The following CAND1 variants were observed in gnomAD, a reference collection of about 807,000 sequenced individuals.
The protein encoded by CAND1 is cullin associated and neddylation dissociated 1, also known as cullin-associated NEDD8-dissociated protein 1.
In CAND1, 7 loss-of-function variants were observed where a neutral mutation model predicts 108.5. That is an observed-to-expected ratio of 0.06 (90% CI 0.04 to 0.12). The LOEUF (loss-of-function observed/expected upper bound fraction) is 0.12, where lower values mean the gene tolerates loss of function less well. Among genes scored for constraint, CAND1 ranks in the 10% least tolerant of loss-of-function variants. The pLI, the probability that CAND1 is intolerant of heterozygous loss-of-function variation, is 1.00. For synonymous variants in CAND1, 534 were observed against 512.0 expected (o/e 1.04, Z -0.58); for missense variants, 941 against 1,448.7 (o/e 0.65, Z 5.69).
chr12:67,294,348 C>T (rs114261701), intron 3 of CAND1, among the ~76,000 whole-genome samples: 1,674 of 151,910 alleles, frequency 0.011, 25 homozygotes, highest in African/African-American at 0.038. Flanking sequence ...AATGAAGTTA[C>T]GGAATCTTTG....
intron 1 of CAND1, among the ~76,000 whole-genome samples, chr12:67,280,509 A>G (rs1272768468): frequency 3.3e-5 from 5 of 152,214 alleles, no homozygotes; most frequent in Non-Finnish European, 7.3e-5. Context: ...ACGTATTTTT[A>G]CTAAAACTGT....
intron 1 of CAND1, among the ~76,000 whole-genome samples, chr12:67,271,515 T>TA (rs1285664729): frequency 3.9e-5 from 6 of 152,236 alleles, no homozygotes. Flanking sequence ...TATGTGGTGA[T>TA]ACCATACATG....
chr12:67,283,749 A>T (rs2044642189), intron 2 of CAND1, among the ~76,000 whole-genome samples: 1 of 152,172 alleles, frequency 6.6e-6, no homozygotes, highest in South Asian at 2.1e-4. Context: ...TAAGTCTTTA[A>T]AAAAGTAATC....
chr12:67,304,346 T>G (rs920596171), intron 8 of CAND1, among the ~76,000 whole-genome samples: 3 of 152,208 alleles, frequency 2.0e-5, no homozygotes, highest in Non-Finnish European at 4.4e-5. Context: ...GGGAAGACTA[T>G]TTTGTTGCTC....
chr12:67,282,847 A>C (rs1592606803), intron 2 of CAND1, among the ~76,000 whole-genome samples: 1 of 152,186 alleles, frequency 6.6e-6, no homozygotes, highest in Non-Finnish European at 1.5e-5. Context: ...AGAATTATGG[A>C]GATTCTGATT....
intron 2 of CAND1, among the ~76,000 whole-genome samples, chr12:67,284,715 C>CAA (rs1444763705): frequency 6.0e-5 from 9 of 150,998 alleles, no homozygotes; most frequent in Non-Finnish European, 8.9e-5. Context: ...TACACACACA[C>CAA]ACACACACAC....
In CAND1 at chr12:67,312,926, T is replaced by C; in HGVS notation, c.*96T>C. 1.3e-6 allele frequency: 1 copy of C among 761,508 alleles called. No individual in the cohort carries two copies. The highest frequency in any genetic ancestry group is 2.0e-6 in the Non-Finnish European group (1 of 490,492). 47.2% of individuals were successfully genotyped at this position (761,508 alleles called of 1,614,324 possible). On this transcript the variant is annotated 3_prime_UTR_variant, in exon 15 of 15. Transcript: ENST00000545606. ...CATGGAAAGAGAAGTGTCTAAAAGCTTCAAAATGTTCCACTTTTTTTTCCT... is the reference window on the plus strand; with the variant it reads ...CATGGAAAGAGAAGTGTCTAAAAGCCTCAAAATGTTCCACTTTTTTTTCCT...
intron 2 of CAND1, among the ~76,000 whole-genome samples, chr12:67,292,286 A>G (rs866950798): frequency 1.3e-5 from 2 of 152,260 alleles, no homozygotes; most frequent in Middle Eastern, 6.8e-3. Context: ...CAGTGTGAAC[A>G]ACAGTGAGAC....
chr12:67,305,677 C>G lies in CAND1; in HGVS notation c.2009C>G (p.Thr670Ser). The G allele has an allele frequency of 6.2e-7, 1 of 1,614,056 alleles. No homozygotes were observed. The highest frequency in any genetic ancestry group is 8.5e-7 in the Non-Finnish European group (1 of 1,179,962). The change falls in exon 10 of 15, where the codon ACT becomes AGT. Residue 670 changes from threonine to serine, a missense_variant. By Grantham distance (58) the Thr-to-Ser change is moderately conservative. Coordinates refer to ENST00000545606, the MANE Select transcript of CAND1 (RefSeq NM_018448.5). The surrounding 1 kb of genome is among the most constrained non-coding windows in gnomAD (Gnocchi z 4.4). ...AACCAGAGAGCTTTGAAACTGGGTACTCTTTCTGCCCTTGATATTCTAATA... is the reference window on the plus strand; with the variant it reads ...AACCAGAGAGCTTTGAAACTGGGTAGTCTTTCTGCCCTTGATATTCTAATA... The part of the protein sequence containing the change: ...RKNQRALKLG[T>S]LSALDILIKN...
At chr12:67,310,706 C>G (rs1592626725) in intron 13 of CAND1, 1 of 156,112 alleles carries the variant, frequency 6.4e-6, no homozygotes, top group East Asian at 1.9e-4. Context: ...TTAGCATTGT[C>G]TTGATTAAGT....
In CAND1 at chr12:67,313,451, G is replaced by A. The variant is rs530503494; in HGVS notation, c.*621G>A. ...ATGAGTAAGTTTACAAATATGTATC[G>A]TCTGTAAAGCAGCATGTGCAGATTA... On this transcript the variant is annotated 3_prime_UTR_variant, in exon 15 of 15. Transcript: ENST00000545606. The A allele has an allele frequency of 3.3e-5, 5 of 152,614 alleles. No homozygotes were observed. The highest frequency in any genetic ancestry group is 4.2e-4 in the South Asian group (2 of 4,816). The allele number at this position is 152,614 out of a possible 1,614,324, so 9.5% of individuals were successfully genotyped here.
intron 13 of CAND1, 93 bp from the exon 14 acceptor site, chr12:67,311,600 A>G (rs1824190319): frequency 6.8e-6 from 3 of 440,030 alleles, no homozygotes; most frequent in South Asian, 4.0e-5. Context: ...TTTGCATGCT[A>G]GTTATTTTCC....
Position 67,313,485 on chromosome 12 carries a change from A to G in CAND1, c.*655A>G, listed in dbSNP as rs1024048568. 2 of 152,648 alleles carry G rather than the reference A, an allele frequency of 1.3e-5. No homozygotes were observed. The highest frequency in any genetic ancestry group is 4.8e-5 in the African/African-American group (2 of 41,468). The allele number at this position is 152,648 out of a possible 1,614,324, so 9.5% of individuals were successfully genotyped here. On this transcript the variant is annotated 3_prime_UTR_variant, in exon 15 of 15. Coordinates refer to ENST00000545606, the MANE Select transcript of CAND1 (RefSeq NM_018448.5). ...GCAGCATGTGCAGATTATTCATAAT[A>G]TAGAAGTTAAAATAAGTATTAGTGC...
intron 11 of CAND1, among the ~76,000 whole-genome samples, chr12:67,307,878 AATT>A (rs1305651443): frequency 6.6e-6 from 1 of 151,944 alleles, no homozygotes; most frequent in Admixed American, 6.6e-5. Context: ...CTCAAATTTC[AATT>A]ATTACTTCTA....
chr12:67,300,631 T>G (rs990684961), intron 7 of CAND1, among the ~76,000 whole-genome samples: 1 of 152,138 alleles, frequency 6.6e-6, no homozygotes, highest in African/African-American at 2.4e-5. Flanking sequence ...TTGTTTTTAT[T>G]TTGTTTATCA....
chr12:67,300,757 G>A (rs1339297859), intron 7 of CAND1, among the ~76,000 whole-genome samples: 2 of 152,098 alleles, frequency 1.3e-5, no homozygotes, highest in Non-Finnish European at 2.9e-5. Flanking sequence ...CAGTGCCTAG[G>A]ACAGTACTTG....
In CAND1 at chr12:67,318,103, T is replaced by C. The variant is rs1391659257; in HGVS notation, c.*5273T>C. On this transcript the variant is annotated 3_prime_UTR_variant, in exon 15 of 15. Transcript: ENST00000545606. ...GTCTGGCCAACATGGCGAAACCCCG[T>C]CTTTGCTAAAAAAACACAAAGAAAT... 1 of 152,256 alleles carries C rather than the reference T, an allele frequency of 6.6e-6. No individual in the cohort carries two copies. Among genetic ancestry groups the C allele is most frequent in the East Asian group, 1.9e-4 (1 of 5,188 alleles). 9.4% of individuals were successfully genotyped at this position (152,256 alleles called of 1,614,324 possible). A position where few individuals can be genotyped will look rare whatever the true frequency, so the allele number is the denominator to read the frequency against.
At chr12:67,283,280 G>T (rs1489601895) in intron 2 of CAND1, among the ~76,000 whole-genome samples, 1 of 152,098 alleles carries the variant, frequency 6.6e-6, no homozygotes, top group Non-Finnish European at 1.5e-5. Context: ...AAAATAAAAT[G>T]GGTCTTTCAA....
chr12:67,292,869 G>A, intron 3 of CAND1, 93 bp downstream of exon 3: 1 of 1,199,454 alleles, frequency 8.3e-7, no homozygotes, highest in Non-Finnish European at 1.2e-6. Context: ...AGGGAGGGAG[G>A]TGGCTGTCCT....
Sources: gnomAD v4.1 joint callset for allele counts (sites outside exome capture counted in the v4.1 genomes callset) on GRCh38, gnomAD v4.1.1 for gene constraint, Gnocchi (gnomAD v3.1) non-coding constraint, MANE v1.5 for transcripts, NCBI Gene and HGNC (gene_info 2026-07-23, HGNC 2026-07-21) for gene names.